PARN: variants seen among roughly 807,000 people sequenced by gnomAD.
PARN encodes poly(A)-specific ribonuclease.
Under a neutral mutation model 102.8 loss-of-function variants are expected in PARN, and 71 were observed. The observed-to-expected ratio is 0.69, with a 90% CI of 0.57 to 0.84. The LOEUF (loss-of-function observed/expected upper bound fraction) is 0.84. PARN is among the 40% of genes least tolerant of loss of function. PARN has a pLI of 0.00. For missense variants in PARN, 782 were observed against 760.9 expected (o/e 1.03, Z -0.33); for synonymous variants, 261 against 252.9 (o/e 1.03, Z -0.30).
At chr16:14,602,252 G>A (rs1174403170) in intron 11 of PARN, among the ~76,000 whole-genome samples, 1 of 152,062 alleles carries the variant, frequency 6.6e-6, no homozygotes, top group African/African-American at 2.4e-5. Flanking sequence ...TCCCTTGGCT[G>A]TGTACCACAA....
At chr16:14,540,458 A>G (rs373932951) in intron 21 of PARN, among the ~76,000 whole-genome samples, 1 of 152,212 alleles carries the variant, frequency 6.6e-6, no homozygotes, top group African/African-American at 2.4e-5. Flanking sequence ...TATCAAATAT[A>G]TATCAATATA....
At chr16:14,624,761 A>G (rs1972536671) in intron 5 of PARN, among the ~76,000 whole-genome samples, 1 of 152,156 alleles carries the variant, frequency 6.6e-6, no homozygotes, top group South Asian at 2.1e-4. Flanking sequence ...TCTACTAAAA[A>G]TATAAAATTA....
chr16:14,602,173 C>G (rs1221490260), intron 11 of PARN: 1 of 152,028 alleles, frequency 6.6e-6, no homozygotes, highest in Non-Finnish European at 1.5e-5. Context: ...AGGGCTGAAT[C>G]CAACAGCCAT....
chr16:14,534,900 T>C (rs907001950), intron 21 of PARN, among the ~76,000 whole-genome samples: 1 of 151,248 alleles, frequency 6.6e-6, no homozygotes, highest in Non-Finnish European at 1.5e-5. Flanking sequence ...AATGGCGCCA[T>C]CTCGGCTCAC....
At chr16:14,606,433 G>A (rs935035163) in intron 10 of PARN, 51 bp downstream of exon 10, 6 of 993,872 alleles carry the variant, frequency 6.0e-6, no homozygotes, top group Non-Finnish European at 9.1e-6. Context: ...ACCCCTAACA[G>A]TGTAACAATG....
At chr16:14,447,615 AAAT>A (rs1961260336) in intron 22 of PARN, among the ~76,000 whole-genome samples, 1 of 152,220 alleles carries the variant, frequency 6.6e-6, no homozygotes, top group Non-Finnish European at 1.5e-5. Context: ...ATGACTTGTT[AAAT>A]GTATAATTAA....
At chr16:14,474,712 T>C (rs1008215338) in intron 22 of PARN, among the ~76,000 whole-genome samples, 1 of 152,240 alleles carries the variant, frequency 6.6e-6, no homozygotes, top group East Asian at 1.9e-4. Flanking sequence ...GAGCCTAAGC[T>C]GGAACCCTTG....
chr16:14,574,511 G>C (rs547940940), intron 18 of PARN, among the ~76,000 whole-genome samples: 1 of 152,042 alleles, frequency 6.6e-6, no homozygotes, highest in Non-Finnish European at 1.5e-5. Flanking sequence ...TCAGGAGTTC[G>C]AGACAAGCCT....
intron 22 of PARN, among the ~76,000 whole-genome samples, chr16:14,450,946 G>A (rs1018108825): frequency 4.0e-5 from 6 of 151,672 alleles, no homozygotes; most frequent in African/African-American, 4.8e-5. Context: ...ACATCAATAC[G>A]TAAGACAAGG....
intron 23 of PARN, among the ~76,000 whole-genome samples, chr16:14,439,371 C>T (rs1188774739): frequency 1.6e-5 from 1 of 61,660 alleles, no homozygotes; most frequent in Non-Finnish European, 3.3e-5. Context: ...GTGAAACTGT[C>T]GCACAAAAAA....
At chr16:14,519,926 A>G (rs1027940521) in intron 21 of PARN, among the ~76,000 whole-genome samples, 1 of 152,218 alleles carries the variant, frequency 6.6e-6, no homozygotes, top group Non-Finnish European at 1.5e-5. Context: ...TAGGTTAAGC[A>G]TTAACACAGC....
At chr16:14,546,754 A>G (rs1012485670) in intron 21 of PARN, among the ~76,000 whole-genome samples, 4 of 152,218 alleles carry the variant, frequency 2.6e-5, no homozygotes, top group Non-Finnish European at 4.4e-5. Flanking sequence ...ATAAAACTAC[A>G]TTAGAAATAT....
chr16:14,568,576 A>G (rs1968582821), intron 18 of PARN, among the ~76,000 whole-genome samples: 1 of 152,082 alleles, frequency 6.6e-6, no homozygotes, highest in African/African-American at 2.4e-5. Context: ...AGCCTGAGTG[A>G]CAGAGCCAGA....
intron 21 of PARN, among the ~76,000 whole-genome samples, chr16:14,541,410 C>G (rs1426187633): frequency 6.6e-6 from 1 of 152,150 alleles, no homozygotes; most frequent in Non-Finnish European, 1.5e-5. Context: ...CAACCCACCA[C>G]AGCCATGAAA....
chr16:14,510,550 AAG>A (rs1490440974), intron 21 of PARN, among the ~76,000 whole-genome samples: 1 of 152,216 alleles, frequency 6.6e-6, no homozygotes, highest in Non-Finnish European at 1.5e-5. Flanking sequence ...TGATTTAAAA[AAG>A]AAAAAAACTC....
At chr16:14,545,979 C>G (rs143802373) in intron 21 of PARN, among the ~76,000 whole-genome samples, 167 of 151,666 alleles carry the variant, frequency 1.1e-3, no homozygotes, top group African/African-American at 3.9e-3. Flanking sequence ...AAACAGAAAC[C>G]AACAAAATAG....
At chr16:14,591,853 C>A (rs988690941) in intron 13 of PARN, 1 of 152,036 alleles carries the variant, frequency 6.6e-6, no homozygotes, top group Non-Finnish European at 1.5e-5. Context: ...ATGGCCAACA[C>A]AGTGAAACCC....
chr16:14,611,929 G>T (rs1971540953), intron 6 of PARN, among the ~76,000 whole-genome samples: 1 of 152,154 alleles, frequency 6.6e-6, no homozygotes, highest in Non-Finnish European at 1.5e-5. Flanking sequence ...CCCTGCTGTT[G>T]TGGCACAAAA....
chr16:14,465,466 TA>T (rs941486228), intron 22 of PARN, among the ~76,000 whole-genome samples: 2 of 152,218 alleles, frequency 1.3e-5, no homozygotes, highest in Admixed American at 6.5e-5. Flanking sequence ...TAATAACATA[TA>T]AATGTTATTA....
Sources: gnomAD v4.1 joint callset for allele counts (sites outside exome capture counted in the v4.1 genomes callset) on GRCh38, gnomAD v4.1.1 for gene constraint, MANE v1.5 for transcripts, NCBI Gene and HGNC (gene_info 2026-07-23, HGNC 2026-07-21) for gene names.